Variants in SCUBE1 observed in about 807,000 individuals in gnomAD.
SCUBE1 encodes signal peptide, CUB domain and EGF like domain containing 1.
SCUBE1 carries 59 observed loss-of-function variants against 124.4 expected under a neutral mutation model. The ratio of observed to expected loss-of-function variants is 0.47; its 90% CI spans 0.38 to 0.59. The LOEUF is 0.59. Among genes scored for constraint, SCUBE1 ranks in the 20% least tolerant of loss-of-function variants. SCUBE1 has a pLI of 0.00. For missense variants in SCUBE1, 1,150 were observed against 1,371.2 expected, an observed-to-expected ratio of 0.84 and a Z score of 2.55; for synonymous variants, 545 against 550.9, an observed-to-expected ratio of 0.99 and a Z score of 0.15.
chr22:43,214,058 A>ACCCCCCCC, intron 16 of SCUBE1, 32 bp downstream of exon 16: 6 of 214,036 alleles, frequency 2.8e-5, no homozygotes, highest in South Asian at 7.8e-5. Flanking sequence ...CCCACCCCCC[A>ACCCCCCCC]CCCCCACCTC....
In SCUBE1 at chr22:43,230,588, A is replaced by G. The variant is rs1922511882; in HGVS notation, c.967+1165T>C. 1.3e-5 allele frequency among the ~76,000 whole-genome samples: 2 copies of G among 152,220 alleles called. 1 individual carries two copies. The highest frequency in any genetic ancestry group is 4.1e-4 in the South Asian group (2 of 4,838). On this transcript the variant is annotated intron_variant, in intron 8 of 21. Transcript: ENST00000360835. ...TCAGCCCTCTGCAGAAGAACTTGGC[A>G]AGGCCAACAGAGAAACAAAGTCAAA... is the stretch of plus-strand genomic sequence containing the variant.
chr22:43,325,686 C>T (rs1312554337), intron 2 of SCUBE1, among the ~76,000 whole-genome samples: 2 of 152,084 alleles, frequency 1.3e-5, no homozygotes, highest in Non-Finnish European at 2.9e-5. Flanking sequence ...TCACTCCAAG[C>T]ATCCCTGTTC....
rs957465317 is a variant in SCUBE1, at chr22:43,212,287, G to A, written c.2221+138C>T. The A allele has an allele frequency of 1.7e-5, 16 of 968,048 alleles. No individual in the cohort carries two copies. The South Asian group carries it at 2.7e-4, about 16-fold the overall frequency. 60.0% of individuals were successfully genotyped at this position (968,048 alleles called of 1,614,324 possible). ...GGCACAGTGGGTCACCCACGCCCAC[G>A]CCTGACAGCTCCAGGCTCCTCCTCT... On this transcript the variant is annotated intron_variant, in intron 17 of 21. Coordinates refer to ENST00000360835, the MANE Select transcript of SCUBE1 (RefSeq NM_173050.5).
chr22:43,224,716 G>A (rs528266905), intron 10 of SCUBE1, among the ~76,000 whole-genome samples: 1 of 152,250 alleles, frequency 6.6e-6, no homozygotes, highest in African/African-American at 2.4e-5. Context: ...GGTCACAGCT[G>A]TCAGGTCACT....
chr22:43,253,338 G>A (rs1292643975), intron 6 of SCUBE1, among the ~76,000 whole-genome samples: 3 of 152,320 alleles, frequency 2.0e-5, no homozygotes, highest in East Asian at 1.9e-4. Context: ...TGAGGCCCCC[G>A]GACTGACCCT....
intron 1 of SCUBE1, among the ~76,000 whole-genome samples, chr22:43,339,634 A>C: frequency 8.6e-5 from 7 of 81,636 alleles, no homozygotes; most frequent in African/African-American, 1.8e-4. Context: ...TCCTTACTCT[A>C]TCCCCCCACA....
intron 7 of SCUBE1, chr22:43,233,324 A>G (rs2146680641): frequency 6.6e-6 from 1 of 152,440 alleles, no homozygotes; most frequent in African/African-American, 2.4e-5. Flanking sequence ...AGATTGTGCC[A>G]TTGCATTCCA....
chr22:43,281,490 C>T (rs1424222297), intron 4 of SCUBE1, among the ~76,000 whole-genome samples: 20 of 112,636 alleles, frequency 1.8e-4, no homozygotes, highest in African/African-American at 9.5e-4. Flanking sequence ...CCCTCTTTGG[C>T]CACCCTCCTG....
intron 20 of SCUBE1, 58 bp downstream of exon 20, chr22:43,208,014 T>G (rs970683679): frequency 6.3e-7 from 1 of 1,590,974 alleles, no homozygotes. Flanking sequence ...CTCATCTCTG[T>G]GTCTCCAGGG....
intron 6 of SCUBE1, among the ~76,000 whole-genome samples, chr22:43,243,466 C>T (rs749339231): frequency 7.9e-5 from 12 of 152,214 alleles, no homozygotes; most frequent in African/African-American, 2.2e-4. Flanking sequence ...GGAGGCCGGG[C>T]GCTCCACTGG....
intron 2 of SCUBE1, among the ~76,000 whole-genome samples, chr22:43,338,089 C>T (rs1445467974): frequency 1.3e-5 from 2 of 152,168 alleles, no homozygotes; most frequent in Non-Finnish European, 2.9e-5. Context: ...CTGTCTGTCT[C>T]GGAGAGAGCT....
chr22:43,315,618 A>C lies in SCUBE1; in HGVS notation c.349+4319T>G, dbSNP rs538215838. On this transcript the variant is annotated intron_variant, in intron 3 of 21. Transcript: ENST00000360835. ...TTGTCTTGAGAAAGAGAAAGCCTGA[A>C]CAGAAAGAACTCTGTTGGGAAGGGT... Among the ~76,000 whole-genome samples the C allele has an allele frequency of 1.8e-4, 27 of 152,198 alleles. No homozygotes were observed. In the South Asian group the frequency reaches 1.9e-3, roughly 11 times the overall value.
At chr22:43,237,113 G>C (rs367905024) in intron 7 of SCUBE1, among the ~76,000 whole-genome samples, 1 of 151,762 alleles carries the variant, frequency 6.6e-6, no homozygotes. Context: ...GGGGTGGGGG[G>C]GGTTGGGGGG....
At chr22:43,331,881 C>G (rs1201437305) in intron 2 of SCUBE1, among the ~76,000 whole-genome samples, 1 of 152,112 alleles carries the variant, frequency 6.6e-6, no homozygotes, top group Non-Finnish European at 1.5e-5. Context: ...GATGAACACG[C>G]TTAGTTAAAC....
chr22:43,219,379 C>T (rs1921981725), intron 14 of SCUBE1, among the ~76,000 whole-genome samples: 1 of 152,204 alleles, frequency 6.6e-6, no homozygotes, highest in Non-Finnish European at 1.5e-5. Flanking sequence ...CTGCCGTGTT[C>T]TCGGACAGCC....
At chr22:43,320,179 A>T in intron 2 of SCUBE1, 114 bp from the exon 3 acceptor site, 1 of 1,299,072 alleles carries the variant, frequency 7.7e-7, no homozygotes, top group Non-Finnish European at 1.1e-6. Context: ...ACAAGTATTC[A>T]CTTCAGTCCT....
chr22:43,247,786 C>G (rs916961628), intron 6 of SCUBE1, among the ~76,000 whole-genome samples: 7 of 152,214 alleles, frequency 4.6e-5, no homozygotes, highest in Non-Finnish European at 1.0e-4. Flanking sequence ...CCCGGTCGGG[C>G]CTGTTTTTAC....
At chr22:43,248,161 A>C (rs1256572408) in intron 6 of SCUBE1, among the ~76,000 whole-genome samples, 2 of 152,150 alleles carry the variant, frequency 1.3e-5, no homozygotes, top group African/African-American at 4.8e-5. Flanking sequence ...GTGGTCTTGG[A>C]TGTTTAAACA....
chr22:43,316,432 T>C (rs1003151852), intron 3 of SCUBE1, among the ~76,000 whole-genome samples: 3 of 152,210 alleles, frequency 2.0e-5, no homozygotes, highest in Admixed American at 6.5e-5. Flanking sequence ...CTCTCTATCA[T>C]TTGAAAATGG....
Sources: allele counts gnomAD v4.1 joint callset (sites outside exome capture counted in the v4.1 genomes callset), GRCh38; gene constraint gnomAD v4.1.1; transcripts MANE v1.5; gene names NCBI Gene and HGNC (gene_info 2026-07-23, HGNC 2026-07-21).